KCNQ5: variants seen among roughly 807,000 people sequenced by gnomAD.
KCNQ5 encodes the protein potassium voltage-gated channel subfamily KQT member 5.
Under a neutral mutation model 98.2 loss-of-function variants are expected in KCNQ5, and 30 were observed. The ratio of observed to expected loss-of-function variants is 0.31; its 90% CI spans 0.23 to 0.41. The LOEUF (loss-of-function observed/expected upper bound fraction) is 0.41, where lower values mean the gene tolerates loss of function less well. KCNQ5 is among the 10% of genes least tolerant of loss of function. The pLI is 1.00. For missense variants in KCNQ5, 835 were observed against 1,182.5 expected (o/e 0.71, Z 4.31); for synonymous variants, 458 against 449.4 (o/e 1.02, Z -0.24).
At chr6:73,107,165 AG>A (rs1775037091) in intron 6 of KCNQ5, among the ~76,000 whole-genome samples, 1 of 152,186 alleles carries the variant, frequency 6.6e-6, no homozygotes, top group Non-Finnish European at 1.5e-5. Context: ...ATTTATCCTG[AG>A]GCCACATGTA....
rs558514885 is a variant in KCNQ5, at chr6:73,051,689, T to C, written c.616+9627T>C. 3.1e-5 allele frequency among the ~76,000 whole-genome samples: 4 copies of C among 128,428 alleles called. No individual in the cohort carries two copies. In the East Asian group the frequency reaches 8.7e-4, roughly 28 times the overall value. The allele number at this position is 128,428 out of a possible 152,430, so 84.3% of individuals were successfully genotyped here. On this transcript the variant is annotated intron_variant, in intron 3 of 13. Transcript: ENST00000370398. ...TATGAGATTCAAACCTTCCAGGGCA[T>C]CAAAGAAGATAGAGGCAAAAAAAAA... is the stretch of plus-strand genomic sequence containing the variant.
intron 1 of KCNQ5, among the ~76,000 whole-genome samples, chr6:72,869,827 G>A (rs1378899634): frequency 6.6e-6 from 1 of 152,206 alleles, no homozygotes; most frequent in African/African-American, 2.4e-5. Context: ...GCTGGACATG[G>A]GGTGCACCAC....
intron 13 of KCNQ5, among the ~76,000 whole-genome samples, chr6:73,193,453 C>A (rs181204724): frequency 4.9e-5 from 4 of 82,144 alleles, no homozygotes; most frequent in South Asian, 2.7e-4. Context: ...TGGTGAAACC[C>A]TGTCTCTACT....
intron 3 of KCNQ5, among the ~76,000 whole-genome samples, chr6:73,049,984 A>G (rs1336121294): frequency 6.6e-6 from 1 of 152,058 alleles, no homozygotes; most frequent in East Asian, 1.9e-4. Context: ...CTAGGAGTTC[A>G]AAATCATCAA....
At chr6:72,744,608 C>T (rs964146955) in intron 1 of KCNQ5, among the ~76,000 whole-genome samples, 3 of 151,940 alleles carry the variant, frequency 2.0e-5, no homozygotes, top group African/African-American at 4.8e-5. Flanking sequence ...GTCAGGAGTT[C>T]GAGACCAGCC....
intron 3 of KCNQ5, among the ~76,000 whole-genome samples, chr6:73,070,416 G>A (rs976675753): frequency 1.3e-5 from 2 of 151,894 alleles, no homozygotes; most frequent in African/African-American, 2.4e-5. Flanking sequence ...CAAAAATTCC[G>A]TTAAAACTAA....
chr6:72,732,536 G>A (rs939076342), intron 1 of KCNQ5, among the ~76,000 whole-genome samples: 2 of 152,230 alleles, frequency 1.3e-5, no homozygotes, highest in African/African-American at 4.8e-5. Context: ...CCACTCTTAT[G>A]TCTATCTTCA....
chr6:72,717,625 G>A lies in KCNQ5; in HGVS notation c.398+95038G>A, dbSNP rs76947262. ...TTTAATAAAGCCTTTATTCATTTAT[G>A]TAGGGCCTTGGGGCTCTCAATCTTA... is the stretch of plus-strand genomic sequence containing the variant. On this transcript the variant is annotated intron_variant, in intron 1 of 13. Coordinates refer to ENST00000370398, the MANE Select transcript of KCNQ5 (RefSeq NM_019842.4). Among the ~76,000 whole-genome samples the A allele has an allele frequency of 2.1e-3, 327 of 152,244 alleles. 6 individuals carry two copies. In the East Asian group the frequency reaches 0.049, roughly 23 times the overall value.
chr6:72,627,167 C>G (rs2098918381), intron 1 of KCNQ5, among the ~76,000 whole-genome samples: 1 of 152,196 alleles, frequency 6.6e-6, no homozygotes. Flanking sequence ...TGAATGGAAT[C>G]ATTTACAAAT....
chr6:72,995,123 C>T (rs1013811003), intron 1 of KCNQ5, among the ~76,000 whole-genome samples: 3 of 152,140 alleles, frequency 2.0e-5, no homozygotes, highest in Non-Finnish European at 4.4e-5. Flanking sequence ...AATCCCAGCA[C>T]TTTGGGAAGC....
intron 1 of KCNQ5, among the ~76,000 whole-genome samples, chr6:72,869,076 T>C (rs1778102543): frequency 6.6e-6 from 1 of 152,212 alleles, no homozygotes; most frequent in Admixed American, 6.5e-5. Context: ...TGTATGCCTG[T>C]ATCAAAACAT....
intron 1 of KCNQ5, among the ~76,000 whole-genome samples, chr6:72,940,506 G>A (rs1270763146): frequency 6.6e-6 from 1 of 152,140 alleles, no homozygotes; most frequent in Admixed American, 6.5e-5. Context: ...GCGATCACTG[G>A]GACAATAGGA....
chr6:72,820,926 T>A (rs1775724422), intron 1 of KCNQ5, among the ~76,000 whole-genome samples: 1 of 152,224 alleles, frequency 6.6e-6, no homozygotes, highest in African/African-American at 2.4e-5. Flanking sequence ...TGAGTACATG[T>A]ACAAACTGTG....
At chr6:72,824,785 C>CTGTG (rs35336711) in intron 1 of KCNQ5, among the ~76,000 whole-genome samples, 43 of 150,838 alleles carry the variant, frequency 2.9e-4, no homozygotes, top group East Asian at 9.8e-4. Flanking sequence ...TTCTCTGTCT[C>CTGTG]TGTGTGTGTG....
At chr6:73,115,940 C>T (rs919530023) in intron 7 of KCNQ5, among the ~76,000 whole-genome samples, 1 of 152,146 alleles carries the variant, frequency 6.6e-6, no homozygotes, top group Non-Finnish European at 1.5e-5. Flanking sequence ...GAGAAGGAGG[C>T]TGAGAGCTCC....
chr6:72,658,814 A>C (rs1353962580), intron 1 of KCNQ5, among the ~76,000 whole-genome samples: 12 of 152,034 alleles, frequency 7.9e-5, no homozygotes, highest in Admixed American at 7.9e-4. Flanking sequence ...TCCTGAACTC[A>C]GGTAATCCAC....
chr6:73,196,338 A>T lies in KCNQ5; in HGVS notation c.*924A>T, dbSNP rs1429428100. On this transcript the variant is annotated 3_prime_UTR_variant, in exon 14 of 14. Coordinates refer to ENST00000370398, the MANE Select transcript of KCNQ5 (RefSeq NM_019842.4). The stretch of plus-strand genomic sequence containing the variant: ...TGACATACAGGTAGGACTATGGGGG[A>T]TGGGACATTTGAGTGGGACTGAGAT... The T allele has an allele frequency of 6.6e-6, 1 of 152,184 alleles. No individual in the cohort carries two copies. Among genetic ancestry groups the T allele is most frequent in the Admixed American group, 6.5e-5 (1 of 15,280 alleles). The allele number at this position is 152,184 out of a possible 1,614,324, so 9.4% of individuals were successfully genotyped here.
chr6:72,782,960 G>A (rs1471984505), intron 1 of KCNQ5, among the ~76,000 whole-genome samples: 1 of 152,222 alleles, frequency 6.6e-6, no homozygotes, highest in Non-Finnish European at 1.5e-5. Flanking sequence ...GAAAGAAGGA[G>A]TAGTGGAAGC....
intron 1 of KCNQ5, among the ~76,000 whole-genome samples, chr6:72,845,034 T>G (rs2150136793): frequency 6.6e-6 from 1 of 152,304 alleles, no homozygotes; most frequent in Non-Finnish European, 1.5e-5. Context: ...AACTGGGAAA[T>G]CATACCTTGG....
Sources: gnomAD v4.1 joint callset for allele counts (sites outside exome capture counted in the v4.1 genomes callset) on GRCh38, gnomAD v4.1.1 for gene constraint, MANE v1.5 for transcripts, NCBI Gene and HGNC (gene_info 2026-07-23, HGNC 2026-07-21) for gene names.